RASAL2: variants seen among roughly 807,000 people sequenced by gnomAD.
RASAL2 encodes the protein RAS protein activator like 2, also known as ras GTPase-activating protein nGAP.
Under a neutral mutation model 128.9 loss-of-function variants are expected in RASAL2, and 58 were observed. That is an observed-to-expected ratio of 0.45 (90% CI 0.36 to 0.56). The LOEUF (loss-of-function observed/expected upper bound fraction) is 0.56. Ranked by LOEUF, RASAL2 falls within the 20% of genes least tolerant of loss-of-function variation. The probability of loss-of-function intolerance (pLI) is 0.00; values close to 1 mark genes in which losing one functional copy is unlikely to be tolerated. For missense variants in RASAL2, 1,360 were observed against 1,601.6 expected (o/e 0.85, Z 2.57); for synonymous variants, 561 against 580.8 (o/e 0.97, Z 0.49).
At chr1:178,235,964 G>A (rs1664214985) in intron 1 of RASAL2, among the ~76,000 whole-genome samples, 1 of 151,856 alleles carries the variant, frequency 6.6e-6, no homozygotes, top group African/African-American at 2.4e-5. Context: ...AAGTTTCTGA[G>A]GCAATTTATT....
At chr1:178,373,145 T>G (rs1019380601) in intron 3 of RASAL2, among the ~76,000 whole-genome samples, 2 of 152,012 alleles carry the variant, frequency 1.3e-5, no homozygotes, top group African/African-American at 4.8e-5. Flanking sequence ...TCATGAATAT[T>G]ATGTATGACC....
At chr1:178,408,899 G>C (rs1674172401) in intron 4 of RASAL2, among the ~76,000 whole-genome samples, 1 of 152,108 alleles carries the variant, frequency 6.6e-6, no homozygotes, top group Non-Finnish European at 1.5e-5. Flanking sequence ...CCTTGGGAAA[G>C]TCATATATCT....
intron 3 of RASAL2, among the ~76,000 whole-genome samples, chr1:178,351,969 A>G (rs1670536280): frequency 6.6e-6 from 1 of 152,190 alleles, no homozygotes; most frequent in Non-Finnish European, 1.5e-5. Context: ...GTGTGAAAAC[A>G]AAATATAAAA....
chr1:178,168,238 C>G (rs897175596), intron 1 of RASAL2, among the ~76,000 whole-genome samples: 3 of 150,342 alleles, frequency 2.0e-5, no homozygotes, highest in African/African-American at 7.4e-5. Flanking sequence ...ACACAAATAA[C>G]TAAGATTTAG....
intron 5 of RASAL2, among the ~76,000 whole-genome samples, chr1:178,432,551 C>T (rs1436262764): frequency 6.6e-6 from 1 of 152,032 alleles, no homozygotes; most frequent in Non-Finnish European, 1.5e-5. Context: ...ACATCTACCC[C>T]GACAGGAACC....
intron 3 of RASAL2, among the ~76,000 whole-genome samples, chr1:178,306,607 G>C (rs1044940873): frequency 3.3e-5 from 5 of 151,774 alleles, no homozygotes; most frequent in Admixed American, 2.0e-4. Context: ...GTGTGAGATG[G>C]TATCTCATTG....
chr1:178,381,348 A>G (rs986084995), intron 3 of RASAL2, among the ~76,000 whole-genome samples: 2 of 152,276 alleles, frequency 1.3e-5, no homozygotes, highest in East Asian at 1.9e-4. Flanking sequence ...CTAGATTAGG[A>G]TGGTGGATGG....
At position 178,285,337 on chromosome 1, in the gene RASAL2, G is replaced by A. The variant is rs564037512; in HGVS notation, c.330+1646G>A. On this transcript the variant is annotated intron_variant, in intron 2 of 17. Coordinates refer to ENST00000367649, the MANE Select transcript of RASAL2 (RefSeq NM_170692.4). The stretch of plus-strand genomic sequence containing the variant: ...GGGTTTCACCTTGTTAGCCAGGATG[G>A]TCTCGATCTCCTGACCTCATGATCC... Among the ~76,000 whole-genome samples the A allele has an allele frequency of 5.5e-3, 829 of 150,760 alleles. 11 individuals carry two copies. Among genetic ancestry groups the A allele is most frequent in the African/African-American group, 0.019 (777 of 40,998 alleles).
intron 1 of RASAL2, among the ~76,000 whole-genome samples, chr1:178,272,476 A>G (rs575272693): frequency 1.0e-3 from 152 of 151,956 alleles, no homozygotes; most frequent in Non-Finnish European, 1.8e-3. Context: ...TTTCTTTTCC[A>G]GTTGGCTTTC....
At chr1:178,279,619 C>G (rs997120940) in intron 1 of RASAL2, among the ~76,000 whole-genome samples, 2 of 152,072 alleles carry the variant, frequency 1.3e-5, no homozygotes, top group African/African-American at 4.8e-5. Flanking sequence ...TAGTTTAAAA[C>G]TATTTTTTAT....
chr1:178,428,148 G>C (rs1675646111), intron 5 of RASAL2, among the ~76,000 whole-genome samples: 2 of 151,826 alleles, frequency 1.3e-5, no homozygotes, highest in East Asian at 3.9e-4. Flanking sequence ...TCATTGTATG[G>C]ATGTACTACG....
chr1:178,397,574 A>G (rs1357649323), intron 4 of RASAL2, among the ~76,000 whole-genome samples: 2 of 151,856 alleles, frequency 1.3e-5, no homozygotes, highest in East Asian at 3.9e-4. Flanking sequence ...AGCTTTGGGG[A>G]TATATAAAAA....
chr1:178,455,783 G>A (rs920794058), intron 12 of RASAL2, among the ~76,000 whole-genome samples: 10 of 152,174 alleles, frequency 6.6e-5, no homozygotes, highest in African/African-American at 2.4e-4. Context: ...AGACCCAAAG[G>A]CAGCTATGCC....
intron 1 of RASAL2, among the ~76,000 whole-genome samples, chr1:178,249,962 A>T (rs369609714): frequency 7.9e-5 from 12 of 152,250 alleles, no homozygotes; most frequent in African/African-American, 2.9e-4. Context: ...CACCAGCCTG[A>T]TGCCGGGGCT....
intron 1 of RASAL2, among the ~76,000 whole-genome samples, chr1:178,133,364 C>G (rs1471985819): frequency 2.0e-5 from 3 of 152,122 alleles, no homozygotes; most frequent in Admixed American, 1.3e-4. Context: ...GTTTCAGCCA[C>G]AAGTAAACCT....
chr1:178,278,881 G>GTAA (rs1666648264), intron 1 of RASAL2, among the ~76,000 whole-genome samples: 1 of 150,898 alleles, frequency 6.6e-6, no homozygotes, highest in African/African-American at 2.5e-5. Context: ...TTTTTGTCAA[G>GTAA]TAATATATCA....
At chr1:178,123,030 A>C (rs2102279256) in intron 1 of RASAL2, 1 of 152,312 alleles carries the variant, frequency 6.6e-6, no homozygotes, top group South Asian at 2.1e-4. Flanking sequence ...CATATTGACC[A>C]GTGTTTTACA....
chr1:178,277,041 G>A (rs886781354), intron 1 of RASAL2, among the ~76,000 whole-genome samples: 14 of 151,318 alleles, frequency 9.3e-5, no homozygotes, highest in African/African-American at 2.2e-4. Context: ...TCAGCTACTC[G>A]GGAGGCTGAG....
chr1:178,452,584 T>G lies in RASAL2; in HGVS notation c.1941T>G (p.Pro647=). 6.2e-7 allele frequency: 1 copy of G among 1,614,100 alleles called. No individual in the cohort carries two copies. The highest frequency in any genetic ancestry group is 8.5e-7 in the Non-Finnish European group (1 of 1,179,962). Residue 647 remains proline (P), a synonymous_variant, in exon 11 of 18, where the codon CCT becomes CCG. Transcript: ENST00000367649. Reference sequence around the variant, plus strand: ...TTTTCAACCTTATGCAGGAGTATCCTGATGACCGCACATCTCGGACTCTAA... The same window carrying G: ...TTTTCAACCTTATGCAGGAGTATCCGGATGACCGCACATCTCGGACTCTAA... The part of the protein sequence containing the change: ...PSLFNLMQEY[P]DDRTSRTLTL...
Sources: gnomAD v4.1 joint callset for allele counts (sites outside exome capture counted in the v4.1 genomes callset) on GRCh38, gnomAD v4.1.1 for gene constraint, MANE v1.5 for transcripts, NCBI Gene and HGNC (gene_info 2026-07-23, HGNC 2026-07-21) for gene names.